PPM1K: variants seen among roughly 807,000 people sequenced by gnomAD.
The protein encoded by PPM1K is protein phosphatase, Mg2+/Mn2+ dependent 1K.
PPM1K carries 19 observed loss-of-function variants against 32.6 expected under a neutral mutation model. That is an observed-to-expected ratio of 0.58 (90% CI 0.41 to 0.86). PPM1K has a LOEUF of 0.86. PPM1K is among the 40% of genes least tolerant of loss of function. The pLI, the probability that PPM1K is intolerant of heterozygous loss-of-function variation, is 0.00. For missense variants in PPM1K, 362 were observed against 461.2 expected (o/e 0.78, Z 1.97); for synonymous variants, 159 against 165.3 (o/e 0.96, Z 0.29).
Position 88,259,751 on chromosome 4 carries a change from A to G in PPM1K, c.*2844T>C, listed in dbSNP as rs80108010. On this transcript the variant is annotated 3_prime_UTR_variant, in exon 7 of 7. Coordinates refer to ENST00000608933, the MANE Select transcript of PPM1K (RefSeq NM_152542.5). ...TCAAAGTTAACTGGCTCAGAGTTTTAAAAGCTTTCCCGGATAAAGCAGAGT... is the reference window on the plus strand; with the variant it reads ...TCAAAGTTAACTGGCTCAGAGTTTTGAAAGCTTTCCCGGATAAAGCAGAGT... 7.9e-5 allele frequency: 12 copies of G among 152,332 alleles called. No homozygotes were observed. In the East Asian group the frequency reaches 1.9e-3, roughly 24 times the overall value. 9.4% of individuals were successfully genotyped at this position (152,332 alleles called of 1,614,324 possible).
At chr4:88,267,872 C>T (rs977237491) in intron 5 of PPM1K, among the ~76,000 whole-genome samples, 3 of 152,152 alleles carry the variant, frequency 2.0e-5, no homozygotes, top group South Asian at 2.1e-4. Context: ...AGGCCTTTCC[C>T]GTACAATGGG....
At chr4:88,267,088 ATGCAGGTGATGCTGATTGGG>A (rs1731354823) in intron 5 of PPM1K, among the ~76,000 whole-genome samples, 3 of 122,596 alleles carry the variant, frequency 2.4e-5, no homozygotes, top group Non-Finnish European at 5.0e-5. Context: ...TGCTGATTGG[ATGCAGGTGATGCTGATTGGG>A]TGCAGGTGAT....
rs1167725561 is a variant in PPM1K, at chr4:88,266,633, TGCTGATTGGGTGCAGGTGATGCTG to T, written c.853-1522_853-1499del. Among the ~76,000 whole-genome samples the T allele has an allele frequency of 1.6e-3, 226 of 141,768 alleles. 2 individuals carry two copies. Among genetic ancestry groups the T allele is most frequent in the African/African-American group, 5.3e-3 (198 of 37,322 alleles). The allele number at this position is 141,768 out of a possible 152,430, so 93.0% of individuals were successfully genotyped here. ...ATGTTGGCTGATTGGGTGCAGGTGA[TGCTGATTGGGTGCAGGTGATGCTG>T]GCTGATTGGGTGCAGGTGATGCTGG... is the stretch of plus-strand genomic sequence containing the variant. On this transcript the variant is annotated intron_variant, in intron 5 of 6. Coordinates refer to ENST00000608933, the MANE Select transcript of PPM1K (RefSeq NM_152542.5).
At chr4:88,268,584 G>A (rs1002975820) in intron 4 of PPM1K, among the ~76,000 whole-genome samples, 157 bp downstream of exon 4, 6 of 152,166 alleles carry the variant, frequency 3.9e-5, no homozygotes, top group Non-Finnish European at 7.3e-5. Context: ...TTGCGCCACT[G>A]CACTCCAGCC....
chr4:88,277,410 T>A, intron 2 of PPM1K, 167 bp from the exon 3 acceptor site: 1 of 583,990 alleles, frequency 1.7e-6, no homozygotes, highest in Non-Finnish European at 3.1e-6. Flanking sequence ...CCACAAAGTA[T>A]CAGGCACTGT....
chr4:88,278,169 G>T lies in PPM1K; in HGVS notation c.415C>A (p.His139Asn). ...ATAATACATTTCTCCATGTGGGTAT[G>T]ACAGAAATCAGCTGCTGCAGGTCCA... Reference protein sequence around the residue: ...HGGPAAADFCHTHMEKCIMDL... With the variant: ...HGGPAAADFCNTHMEKCIMDL... Residue 139 changes from histidine to asparagine, a missense_variant, in exon 2 of 7, where the codon CAT (histidine) becomes AAT (asparagine). His to Asn is a moderately conservative substitution (Grantham distance 68). Transcript: ENST00000608933. This position sits in a 1 kb window ranked among gnomAD's most constrained non-coding sequence, Gnocchi z 4.2. The T allele has an allele frequency of 6.2e-7, 1 of 1,613,936 alleles. No individual in the cohort carries two copies. Among genetic ancestry groups the T allele is most frequent in the Non-Finnish European group, 8.5e-7 (1 of 1,179,842 alleles).
rs1405605837 is a variant in PPM1K, at chr4:88,278,702, G to A, written c.-59-60C>T. The A allele has an allele frequency of 2.6e-6, 2 of 759,576 alleles. No homozygotes were observed. Among genetic ancestry groups the A allele is most frequent in the Non-Finnish European group, 4.2e-6 (2 of 476,080 alleles). The allele number at this position is 759,576 out of a possible 1,614,324, so 47.1% of individuals were successfully genotyped here. On this transcript the variant is annotated intron_variant, in intron 1 of 6. Coordinates refer to ENST00000608933, the MANE Select transcript of PPM1K (RefSeq NM_152542.5). The surrounding 1 kb of genome is among the most constrained non-coding windows in gnomAD (Gnocchi z 4.2). The stretch of plus-strand genomic sequence containing the variant: ...AGGGAGAGAGGGGCAGAGGAGGAGA[G>A]GGAGAGAGACAGAGAGAGAGAGACC...
At chr4:88,282,941 C>T (rs17732955) in intron 1 of PPM1K, among the ~76,000 whole-genome samples, 32,739 of 152,168 alleles carry the variant, frequency 0.22, 4,689 homozygotes, top group Non-Finnish European at 0.32. Context: ...GGATTGCAGT[C>T]AAGGAATTTG....
chr4:88,270,703 A>C (rs1731526618), intron 3 of PPM1K, among the ~76,000 whole-genome samples: 1 of 152,238 alleles, frequency 6.6e-6, no homozygotes, highest in South Asian at 2.1e-4. Context: ...TAAAAGAGTT[A>C]AAATTTCATA....
chr4:88,268,599 C>T (rs777866817), intron 4 of PPM1K, 142 bp downstream of exon 4: 26 of 933,712 alleles, frequency 2.8e-5, no homozygotes, highest in East Asian at 1.5e-4. Flanking sequence ...CCAGCCTGGG[C>T]GACAGAGTGA....
rs1731808880 is a variant in PPM1K at position 88,277,241 on chromosome 4, T to A, written c.443A>T (p.Asp148Val). The change falls in exon 3 of 7, where the codon GAT becomes GTT. Residue 148 changes from aspartate (D) to valine (V), a missense_variant and splice_region_variant. Coordinates refer to ENST00000608933, the MANE Select transcript of PPM1K (RefSeq NM_152542.5). ...CAAGTTCTTCTCCTTAGGAAGCAAA[T>A]CCCTTTGTGGGGAGGAAAAAAAGAG... ...CHTHMEKCIM[D>V]LLPKEKNLET... 1.2e-6 allele frequency: 2 copies of A among 1,610,020 alleles called. No homozygotes were observed. Among genetic ancestry groups the A allele is most frequent in the Non-Finnish European group, 1.7e-6 (2 of 1,176,422 alleles).
rs528028874 is a variant in PPM1K, at chr4:88,277,687, G to A, written c.441-444C>T. The A allele has an allele frequency of 1.4e-4, 28 of 193,420 alleles. No homozygotes were observed. The South Asian group carries it at 2.6e-3, about 18-fold the overall frequency. 12.0% of individuals were successfully genotyped at this position (193,420 alleles called of 1,614,324 possible). A position where few individuals can be genotyped will look rare whatever the true frequency, so the allele number is the denominator to read the frequency against. ...TTAATACTAGTTGAAGTAAATAAAC[G>A]GAAGAGCTCCAAAATGCCTGCATTA... is the stretch of plus-strand genomic sequence containing the variant. On this transcript the variant is annotated intron_variant, in intron 2 of 6. Coordinates refer to ENST00000608933, the MANE Select transcript of PPM1K (RefSeq NM_152542.5).
Position 88,268,847 on chromosome 4 carries a change from G to A in PPM1K, c.601C>T (p.Leu201=). 6.2e-7 allele frequency: 1 copy of A among 1,613,954 alleles called. No individual in the cohort carries two copies. The change falls in exon 4 of 7, where the codon CTG becomes TTG. Residue 201 remains leucine (L), a synonymous_variant. Transcript: ENST00000608933. ...TVALLRDGIE[L]VVASVGDSRA... ...CTGTCCCCAACACTGGCTACAACCA[G>A]TTCAATACCATCTCGCAATAGGGCT...
At chr4:88,272,081 T>C (rs1178585366) in intron 3 of PPM1K, among the ~76,000 whole-genome samples, 2 of 152,212 alleles carry the variant, frequency 1.3e-5, no homozygotes, top group African/African-American at 4.8e-5. Flanking sequence ...TAATGACCCC[T>C]AGTAATTACT....
rs750027944 is a variant in PPM1K at position 88,271,145 on chromosome 4, T to C, written c.542-2239A>G. On this transcript the variant is annotated intron_variant, in intron 3 of 6. Coordinates refer to ENST00000608933, the MANE Select transcript of PPM1K (RefSeq NM_152542.5). ...CTTTCCACTGAAGCCCCGCATATAG[T>C]GTCCACGGGCTCCAGGTCTAGAGCT... 6 of 517,962 alleles carry C rather than the reference T, an allele frequency of 1.2e-5. No individual in the cohort carries two copies. The Admixed American group carries it at 1.2e-4, about 10-fold the overall frequency. The allele number at this position is 517,962 out of a possible 1,614,324, so 32.1% of individuals were successfully genotyped here. A position where few individuals can be genotyped will look rare whatever the true frequency, so the allele number is the denominator to read the frequency against.
rs759517563 is a variant in PPM1K at position 88,277,249 on chromosome 4, T to C, written c.441-6A>G. On this transcript the variant is annotated splice_region_variant and splice_polypyrimidine_tract_variant and intron_variant, in intron 2 of 6. Transcript: ENST00000608933. ...TCTCCTTAGGAAGCAAATCCCTTTG[T>C]GGGGAGGAAAAAAAGAGCCTTAAAC... The C allele has an allele frequency of 1.9e-6, 3 of 1,599,748 alleles. No homozygotes were observed. The highest frequency in any genetic ancestry group is 2.2e-5 in the East Asian group (1 of 44,824).
chr4:88,259,249 G>C lies in PPM1K; in HGVS notation c.*3346C>G, dbSNP rs922261891. ...CCACTGTACTCCAGCCTGTGTGACA[G>C]AGTGAGACTCCATCTCAAAAAAAAA... On this transcript the variant is annotated 3_prime_UTR_variant, in exon 7 of 7. Transcript: ENST00000608933. 20 of 145,418 alleles carry C rather than the reference G, an allele frequency of 1.4e-4. No homozygotes were observed. Among genetic ancestry groups the C allele is most frequent in the African/African-American group, 4.8e-4 (19 of 39,588 alleles). 9.0% of individuals were successfully genotyped at this position (145,418 alleles called of 1,614,324 possible). A position where few individuals can be genotyped will look rare whatever the true frequency, so the allele number is the denominator to read the frequency against.
chr4:88,278,886 T>C lies in PPM1K; in HGVS notation c.-59-244A>G. 3.1e-6 allele frequency: 1 copy of C among 318,100 alleles called. No homozygotes were observed. The allele number at this position is 318,100 out of a possible 1,614,324, so 19.7% of individuals were successfully genotyped here. ...TGGATCAAAAATGAATCGATTTTCCTACCGCATTCACAGCATTTAAATTCT... is the reference window on the plus strand; with the variant it reads ...TGGATCAAAAATGAATCGATTTTCCCACCGCATTCACAGCATTTAAATTCT... On this transcript the variant is annotated intron_variant, in intron 1 of 6. Transcript: ENST00000608933. This position sits in a 1 kb window ranked among gnomAD's most constrained non-coding sequence, Gnocchi z 4.2.
rs1257878168 is a variant in PPM1K, at chr4:88,266,387, CTGATTGGGTGCAGGTGATGCTGAT to C, written c.853-1276_853-1253del. Among the ~76,000 whole-genome samples, 50 of 152,198 alleles carry C rather than the reference CTGATTGGGTGCAGGTGATGCTGAT, an allele frequency of 3.3e-4. No homozygotes were observed. The East Asian group carries it at 7.7e-3, about 24-fold the overall frequency. On this transcript the variant is annotated intron_variant, in intron 5 of 6. Transcript: ENST00000608933. ...AGCTTCCAAGTGGAGGTGATGCTGGCTGATTGGGTGCAGGTGATGCTGATTGATTGGGTGCAGGTGATGCTGGCT... is the reference window on the plus strand; with the variant it reads ...AGCTTCCAAGTGGAGGTGATGCTGGCTGATTGGGTGCAGGTGATGCTGGCT...
Sources: gnomAD v4.1 joint callset for allele counts (sites outside exome capture counted in the v4.1 genomes callset) on GRCh38, gnomAD v4.1.1 for gene constraint, Gnocchi (gnomAD v3.1) non-coding constraint, MANE v1.5 for transcripts, NCBI Gene and HGNC (gene_info 2026-07-23, HGNC 2026-07-21) for gene names.